Variants in CSMD3 observed in about 807,000 individuals in gnomAD.
CSMD3 encodes the protein CUB and Sushi multiple domains 3, also known as CUB and sushi domain-containing protein 3.
Under a neutral mutation model 435.2 loss-of-function variants are expected in CSMD3, and 177 were observed. That is an observed-to-expected ratio of 0.41 (90% CI 0.36 to 0.46). The LOEUF is 0.46. Among genes scored for constraint, CSMD3 ranks in the 20% least tolerant of loss-of-function variants. The pLI is 0.34. For missense variants in CSMD3, 4,265 were observed against 4,504.6 expected (o/e 0.95, Z 1.52); for synonymous variants, 1,656 against 1,520.5 (o/e 1.09, Z -2.07).
chr8:112,931,833 G>A (rs923075394), intron 9 of CSMD3, among the ~76,000 whole-genome samples: 3 of 152,082 alleles, frequency 2.0e-5, no homozygotes, highest in Non-Finnish European at 4.4e-5. Flanking sequence ...TGGCAAACAC[G>A]TATATGAAAA....
intron 18 of CSMD3, among the ~76,000 whole-genome samples, chr8:112,653,335 C>G (rs1328108301): frequency 1.3e-5 from 2 of 152,132 alleles, no homozygotes. Flanking sequence ...CCTCAAATAT[C>G]TATTGATCAT....
chr8:113,190,811 T>C (rs745562178), intron 3 of CSMD3, among the ~76,000 whole-genome samples: 35 of 151,934 alleles, frequency 2.3e-4, no homozygotes, highest in Middle Eastern at 3.4e-3. Context: ...TATTCATTGT[T>C]AGGAATACTT....
chr8:113,108,409 A>T (rs2090544518), intron 4 of CSMD3, among the ~76,000 whole-genome samples: 1 of 144,262 alleles, frequency 6.9e-6, no homozygotes, highest in South Asian at 2.3e-4. Flanking sequence ...GCCTAGTGAG[A>T]GGACGAGACG....
At chr8:112,446,049 T>C (rs573750447) in intron 32 of CSMD3, among the ~76,000 whole-genome samples, 1 of 152,338 alleles carries the variant, frequency 6.6e-6, no homozygotes, top group South Asian at 2.1e-4. Context: ...TAGAATTTAA[T>C]ATTTTCTATA....
intron 1 of CSMD3, among the ~76,000 whole-genome samples, chr8:113,384,166 G>C (rs1199668327): frequency 6.6e-6 from 1 of 151,998 alleles, no homozygotes; most frequent in Non-Finnish European, 1.5e-5. Flanking sequence ...TTTTGTCATA[G>C]TCTATAATAA....
chr8:113,261,125 C>A (rs1402299566), intron 3 of CSMD3, among the ~76,000 whole-genome samples: 1 of 151,972 alleles, frequency 6.6e-6, no homozygotes, highest in Non-Finnish European at 1.5e-5. Context: ...GGGCCGAGTT[C>A]TTGATAAAAG....
intron 10 of CSMD3, among the ~76,000 whole-genome samples, chr8:112,903,436 A>AG (rs2082163960): frequency 6.6e-6 from 1 of 151,266 alleles, no homozygotes; most frequent in Non-Finnish European, 1.5e-5. Context: ...ACTGGAGACA[A>AG]GGTGGAGTTA....
rs74783524 is a variant in CSMD3, at chr8:112,658,442, C to T, written c.2817-2101G>A. Among the ~76,000 whole-genome samples the T allele has an allele frequency of 7.2e-5, 11 of 152,166 alleles. No homozygotes were observed. The South Asian group carries it at 1.5e-3, about 20-fold the overall frequency. On this transcript the variant is annotated intron_variant, in intron 17 of 70. Coordinates refer to ENST00000297405, the MANE Select transcript of CSMD3 (RefSeq NM_198123.2). ...ATTATTATGAACATAGCATATGACA[C>T]GTTAGTCAAAATTAAGTATATAATT...
At chr8:113,336,771 T>C (rs953703383) in intron 1 of CSMD3, among the ~76,000 whole-genome samples, 9 of 152,070 alleles carry the variant, frequency 5.9e-5, no homozygotes, top group South Asian at 2.1e-4. Flanking sequence ...CTTGTTACTA[T>C]GAAGTGGGTA....
At chr8:112,253,157 G>A (rs145741338) in intron 63 of CSMD3, among the ~76,000 whole-genome samples, 43 of 151,920 alleles carry the variant, frequency 2.8e-4, no homozygotes, top group African/African-American at 9.4e-4. Context: ...CTTGATCTGC[G>A]AACAAAGCAA....
At chr8:112,255,614 T>C (rs946928542) in intron 61 of CSMD3, 187 bp from the exon 62 acceptor site, 1 of 585,586 alleles carries the variant, frequency 1.7e-6, no homozygotes. Context: ...GAAAACTCAG[T>C]ATAATATTTA....
chr8:113,048,237 C>G (rs762262639), intron 5 of CSMD3, among the ~76,000 whole-genome samples: 14 of 151,972 alleles, frequency 9.2e-5, no homozygotes, highest in Non-Finnish European at 1.8e-4. Context: ...GGATTACAGG[C>G]GCCCACTAAC....
intron 28 of CSMD3, among the ~76,000 whole-genome samples, chr8:112,514,150 C>A (rs971426887): frequency 5.3e-5 from 8 of 152,048 alleles, no homozygotes; most frequent in Non-Finnish European, 1.2e-4. Flanking sequence ...ATCTTAGCCT[C>A]CTGAGTAGCT....
intron 39 of CSMD3, among the ~76,000 whole-genome samples, chr8:112,351,891 C>A (rs971570847): frequency 6.6e-6 from 1 of 150,538 alleles, no homozygotes; most frequent in Non-Finnish European, 1.5e-5. Context: ...CTGGGACCCT[C>A]GACAAAAAAA....
intron 63 of CSMD3, among the ~76,000 whole-genome samples, chr8:112,248,262 T>C (rs567671739): frequency 3.3e-5 from 5 of 152,192 alleles, no homozygotes; most frequent in Non-Finnish European, 5.9e-5. Context: ...TTTAAATAAA[T>C]TATAGGCATG....
At chr8:113,020,092 A>G (rs977437361) in intron 5 of CSMD3, among the ~76,000 whole-genome samples, 2 of 147,270 alleles carry the variant, frequency 1.4e-5, no homozygotes, top group East Asian at 4.0e-4. Flanking sequence ...GAACCCGGGA[A>G]GCGGAGCTTG....
At chr8:112,822,020 C>T (rs1015061976) in intron 12 of CSMD3, among the ~76,000 whole-genome samples, 9 of 151,990 alleles carry the variant, frequency 5.9e-5, no homozygotes, top group Admixed American at 2.6e-4. Context: ...TGACTGTTTT[C>T]GTACCAGTAC....
At chr8:113,400,771 A>G (rs1249722430) in intron 1 of CSMD3, among the ~76,000 whole-genome samples, 1 of 151,882 alleles carries the variant, frequency 6.6e-6, no homozygotes, top group Non-Finnish European at 1.5e-5. Context: ...AGCGTGGTAC[A>G]AACCCAGGAA....
At chr8:112,770,986 GTGGT>G (rs2078099162) in intron 13 of CSMD3, among the ~76,000 whole-genome samples, 2 of 151,952 alleles carry the variant, frequency 1.3e-5, no homozygotes, top group Admixed American at 6.6e-5. Context: ...GAAAAAAATG[GTGGT>G]TGCCTGTTTC....
Sources: gnomAD v4.1 joint callset for allele counts (sites outside exome capture counted in the v4.1 genomes callset) on GRCh38, gnomAD v4.1.1 for gene constraint, MANE v1.5 for transcripts, NCBI Gene and HGNC (gene_info 2026-07-23, HGNC 2026-07-21) for gene names.